The following GALNT16 variants were observed in gnomAD, a reference collection of about 807,000 sequenced individuals.
GALNT16 encodes UDP-GalNAc:polypeptide N-acetylgalactosaminyltransferase-like protein 1.
A neutral mutation model predicts 76.1 loss-of-function variants in GALNT16; 40 were observed. The observed-to-expected ratio is 0.53, with a 90% CI of 0.41 to 0.68. GALNT16 has a LOEUF of 0.68. GALNT16 is among the 30% of genes least tolerant of loss of function. The pLI is 0.00. For missense variants in GALNT16, 621 were observed against 731.9 expected, an observed-to-expected ratio of 0.85 and a Z score of 1.75; for synonymous variants, 276 against 285.2, an observed-to-expected ratio of 0.97 and a Z score of 0.32.
At chr14:69,342,534 A>T (rs112897009) in intron 12 of GALNT16, among the ~76,000 whole-genome samples, 2 of 64,144 alleles carry the variant, frequency 3.1e-5, no homozygotes, top group Non-Finnish European at 1.0e-4. Flanking sequence ...GGAGAGGAAA[A>T]GAAAAGAAAA....
At chr14:69,264,904 C>T (rs1442563449) in intron 1 of GALNT16, among the ~76,000 whole-genome samples, 1 of 141,816 alleles carries the variant, frequency 7.1e-6, no homozygotes, top group Non-Finnish European at 1.5e-5. Context: ...ACCTTCACCT[C>T]CTGGGCTCAA....
intron 6 of GALNT16, among the ~76,000 whole-genome samples, chr14:69,330,837 C>T (rs2045343519): frequency 6.6e-6 from 1 of 152,172 alleles, no homozygotes; most frequent in Non-Finnish European, 1.5e-5. Flanking sequence ...CCAGCAAAAT[C>T]AACATTATTC....
chr14:69,260,108 T>C (rs542729325), upstream of GALNT16: 3,195 of 504,222 alleles, frequency 6.3e-3, 36 homozygotes, highest in South Asian at 0.024. Context: ...ACCGTGAGGA[T>C]CGCTCCGCGA....
intron 1 of GALNT16, among the ~76,000 whole-genome samples, chr14:69,301,467 C>T (rs187360740): frequency 6.6e-6 from 1 of 152,240 alleles, no homozygotes; most frequent in Admixed American, 6.5e-5. Context: ...GATTCTCCTG[C>T]CTCAAACTCC....
chr14:69,376,012 C>G, the GALNT16 span, among the ~76,000 whole-genome samples: 1 of 151,964 alleles, frequency 6.6e-6, no homozygotes, highest in Non-Finnish European at 1.5e-5. Flanking sequence ...TTCCATTTCC[C>G]CCTATTGTCC....
At chr14:69,361,546 TGAG>T (rs1221042829), downstream of GALNT16, among the ~76,000 whole-genome samples, 3 of 152,170 alleles carry the variant, frequency 2.0e-5, no homozygotes, top group Non-Finnish European at 4.4e-5. Context: ...ATGTTGCACT[TGAG>T]GACACTGAGG....
At chr14:69,260,080 G>A (rs2044239672), upstream of GALNT16, 3 of 541,194 alleles carry the variant, frequency 5.5e-6, no homozygotes, top group Non-Finnish European at 6.6e-6. Flanking sequence ...CGCGCGCTCG[G>A]GGCTGAAGGG....
At chr14:69,328,380 G>A in intron 5 of GALNT16, 70 bp from the exon 6 acceptor site, 1 of 1,538,170 alleles carries the variant, frequency 6.5e-7, no homozygotes, top group Non-Finnish European at 8.9e-7. Context: ...AGAGCCTTGG[G>A]ACTTTGGGGG....
chr14:69,319,309 A>G (rs939760459), intron 1 of GALNT16, among the ~76,000 whole-genome samples: 1 of 152,226 alleles, frequency 6.6e-6, no homozygotes, highest in African/African-American at 2.4e-5. Flanking sequence ...TCAGGGGAAC[A>G]TAGAGGCCCT....
rs763334193 is a variant in GALNT16, at chr14:69,347,987, T to G, written c.1524T>G (p.Pro508=). 32 of 1,613,892 alleles carry G rather than the reference T, an allele frequency of 2.0e-5. No homozygotes were observed. The highest frequency in any genetic ancestry group is 2.6e-5 in the Non-Finnish European group (31 of 1,179,986). The change falls in exon 14 of 15, where the codon CCT becomes CCG. Residue 508 remains proline (P), a synonymous_variant. Coordinates refer to ENST00000448469, the MANE Select transcript of GALNT16 (RefSeq NM_001168368.2). ...CAGTCATACTGCAGATGTGCAACCC[T>G]AGAGAAGGCAAGCAGGTGAGTCTCC... is the stretch of plus-strand genomic sequence containing the variant. ...GSPVILQMCN[P]REGKQKWRRK...
chr14:69,301,966 G>A lies in GALNT16; in HGVS notation c.178-18745G>A, dbSNP rs1318963050. On this transcript the variant is annotated intron_variant, in intron 1 of 14. Coordinates refer to ENST00000448469, the MANE Select transcript of GALNT16 (RefSeq NM_001168368.2). ...ATGGCGCCAGCTTGGGTGACAGTGAGACCTCATCTAAAACAAACAAACACA... is the reference window on the plus strand; with the variant it reads ...ATGGCGCCAGCTTGGGTGACAGTGAAACCTCATCTAAAACAAACAAACACA... Among the ~76,000 whole-genome samples, 5 of 152,122 alleles carry A rather than the reference G, an allele frequency of 3.3e-5. No individual in the cohort carries two copies. The East Asian group carries it at 5.8e-4, about 18-fold the overall frequency.
downstream of GALNT16, among the ~76,000 whole-genome samples, chr14:69,360,622 A>G (rs1156236555): frequency 1.3e-5 from 2 of 151,758 alleles, no homozygotes; most frequent in Non-Finnish European, 1.5e-5. Flanking sequence ...AAAGAAGAAG[A>G]AGAAGGAGAA....
chr14:69,378,459 C>G, the GALNT16 span, among the ~76,000 whole-genome samples: 1 of 152,332 alleles, frequency 6.6e-6, no homozygotes, highest in African/African-American at 2.4e-5. Context: ...CTCTAAATCT[C>G]TAACACAAGG....
chr14:69,312,103 A>C (rs559447794), intron 1 of GALNT16, among the ~76,000 whole-genome samples: 19 of 147,990 alleles, frequency 1.3e-4, no homozygotes, highest in East Asian at 3.9e-4. Context: ...CTATCTATCT[A>C]TATCTATCTA....
chr14:69,289,198 T>C (rs1166477391), intron 1 of GALNT16, among the ~76,000 whole-genome samples: 5 of 152,178 alleles, frequency 3.3e-5, no homozygotes, highest in Non-Finnish European at 5.9e-5. Context: ...CTCATTGTTT[T>C]CCCTTTTGCG....
intron 1 of GALNT16, among the ~76,000 whole-genome samples, chr14:69,284,874 GC>G (rs1286472111): frequency 6.6e-6 from 1 of 151,954 alleles, no homozygotes; most frequent in African/African-American, 2.4e-5. Context: ...TTTATAAGGG[GC>G]TTTTAACCCC....
chr14:69,287,220 CCATTGACAT>C, intron 1 of GALNT16, among the ~76,000 whole-genome samples: 1 of 152,324 alleles, frequency 6.6e-6, no homozygotes, highest in East Asian at 1.9e-4. Flanking sequence ...TGTACAATTG[CCATTGACAT>C]CATTGTATCT....
chr14:69,358,873 C>T (rs1309553395), downstream of GALNT16: 1 of 152,356 alleles, frequency 6.6e-6, no homozygotes, highest in Non-Finnish European at 1.5e-5. Context: ...CCTCACCCTA[C>T]AATCAGCCAA....
intron 1 of GALNT16, chr14:69,298,416 C>T (rs191957278): frequency 2.0e-5 from 3 of 152,316 alleles, no homozygotes; most frequent in Non-Finnish European, 4.4e-5. Context: ...GTGTGGGAAC[C>T]CCTCTGGCGG....
Sources: allele counts gnomAD v4.1 joint callset (sites outside exome capture counted in the v4.1 genomes callset), GRCh38; gene constraint gnomAD v4.1.1; transcripts MANE v1.5; gene names NCBI Gene and HGNC (gene_info 2026-07-23, HGNC 2026-07-21).